The following SLC38A7 variants were observed in gnomAD, a reference collection of about 807,000 sequenced individuals.
SLC38A7 encodes sodium-coupled neutral amino acid transporter 7.
Under a neutral mutation model 50.1 loss-of-function variants are expected in SLC38A7, and 29 were observed. The observed-to-expected ratio is 0.58, with a 90% CI of 0.43 to 0.79. SLC38A7 has a LOEUF of 0.79. Among genes scored for constraint, SLC38A7 ranks in the 30% least tolerant of loss-of-function variants. The probability of loss-of-function intolerance (pLI) is 0.00; values close to 1 mark genes in which losing one functional copy is unlikely to be tolerated. For synonymous variants in SLC38A7, 244 were observed against 245.9 expected, an observed-to-expected ratio of 0.99 and a Z score of 0.07; for missense variants, 483 against 610.6, an observed-to-expected ratio of 0.79 and a Z score of 2.20.
In SLC38A7 at chr16:58,678,566, G is replaced by C; in HGVS notation, c.470-92C>G. 6.4e-7 allele frequency: 1 copy of C among 1,556,364 alleles called. No homozygotes were observed. The highest frequency in any genetic ancestry group is 8.7e-7 in the Non-Finnish European group (1 of 1,145,514). On this transcript the variant is annotated intron_variant, in intron 4 of 11. Transcript: ENST00000219320. The surrounding 1 kb of genome is among the most constrained non-coding windows in gnomAD (Gnocchi z 4.0). ...GGGCCCCAGGACCTCCCTCTGCCTGGAGGGAGGATTCCCAGATGAATGCTG... is the reference window on the plus strand; with the variant it reads ...GGGCCCCAGGACCTCCCTCTGCCTGCAGGGAGGATTCCCAGATGAATGCTG...
intron 8 of SLC38A7, among the ~76,000 whole-genome samples, chr16:58,673,083 A>ATTTT (rs34081609): frequency 2.6e-4 from 16 of 60,390 alleles, no homozygotes; most frequent in African/African-American, 9.3e-4. Context: ...TGCCCGGCTA[A>ATTTT]TTTTTTTTTT....
At chr16:58,676,713 G>A (rs1001545382) in intron 6 of SLC38A7, among the ~76,000 whole-genome samples, 4 of 152,070 alleles carry the variant, frequency 2.6e-5, no homozygotes, top group African/African-American at 9.7e-5. Context: ...GTGCAGTGGC[G>A]CGATCTCGGC....
chr16:58,675,304 C>G (rs1490333941), intron 8 of SLC38A7: 1 of 410,840 alleles, frequency 2.4e-6, no homozygotes, highest in African/African-American at 2.2e-5. Context: ...CCCAGGAATT[C>G]AAGACCAGGC....
chr16:58,680,046 C>T lies in SLC38A7; in HGVS notation c.81G>A (p.Gln27=), dbSNP rs894333658. 2.5e-6 allele frequency: 4 copies of T among 1,596,914 alleles called. No homozygotes were observed. Among genetic ancestry groups the T allele is most frequent in the African/African-American group, 1.3e-5 (1 of 74,534 alleles). Residue 27 remains glutamine (Q), a synonymous_variant, in exon 3 of 12, where the codon CAG becomes CAA. Coordinates refer to ENST00000219320, the MANE Select transcript of SLC38A7 (RefSeq NM_018231.3). ...TDAGERARLL[Q]SPCVDTAPKS... ...TGGGGGCTGTGTCCACACAGGGACT[C>T]TGCAGCAGCCGAGCCCGCTCCCCGG...
chr16:58,669,865 C>G (rs547324581), intron 11 of SLC38A7, among the ~76,000 whole-genome samples: 1 of 148,820 alleles, frequency 6.7e-6, no homozygotes, highest in South Asian at 2.2e-4. Context: ...GTCCTAGCTA[C>G]TCGGGAGGCT....
intron 11 of SLC38A7, among the ~76,000 whole-genome samples, chr16:58,669,647 C>T (rs960301173): frequency 2.7e-5 from 4 of 146,406 alleles, no homozygotes; most frequent in African/African-American, 7.6e-5. Flanking sequence ...ACAACTAGCA[C>T]ACTACCGAAT....
At chr16:58,668,713 C>CAAAA (rs71155292) in intron 11 of SLC38A7, among the ~76,000 whole-genome samples, 8 of 33,738 alleles carry the variant, frequency 2.4e-4, no homozygotes, top group East Asian at 1.7e-3. Context: ...AACTCCATCT[C>CAAAA]AAAAAAAAAA....
Position 58,669,049 on chromosome 16 carries a change from C to T in SLC38A7, c.1286+1064G>A, listed in dbSNP as rs964640136. On this transcript the variant is annotated intron_variant, in intron 11 of 11. Transcript: ENST00000219320. ...CCTCCCAAAGTGCTGGGATTACAGGCGTGAGTCACTGTGCCTGGCCAATTT... is the reference window on the plus strand; with the variant it reads ...CCTCCCAAAGTGCTGGGATTACAGGTGTGAGTCACTGTGCCTGGCCAATTT... Among the ~76,000 whole-genome samples the T allele has an allele frequency of 1.9e-4, 27 of 141,414 alleles. No homozygotes were observed. The South Asian group carries it at 4.0e-3, about 21-fold the overall frequency. The allele number at this position is 141,414 out of a possible 152,430, so 92.8% of individuals were successfully genotyped here. A position where few individuals can be genotyped will look rare whatever the true frequency, so the allele number is the denominator to read the frequency against.
Position 58,675,950 on chromosome 16 carries a change from G to A in SLC38A7, c.873C>T (p.Tyr291=). 1 of 1,610,998 alleles carries A rather than the reference G, an allele frequency of 6.2e-7. No homozygotes were observed. The highest frequency in any genetic ancestry group is 8.5e-7 in the Non-Finnish European group (1 of 1,178,558). Residue 291 remains tyrosine, a synonymous_variant, in exon 8 of 12, where the codon TAC becomes TAT. Coordinates refer to ENST00000219320, the MANE Select transcript of SLC38A7 (RefSeq NM_018231.3). ...TAAMVIALAV[Y]MGTGICGFLT... is the part of the protein sequence containing the mutation. Reference sequence around the variant, plus strand: ...GGGGGGAGCACTCACCTGTCCCCATGTAGACAGCGAGGGCTATGACCATGG... The same window carrying A: ...GGGGGGAGCACTCACCTGTCCCCATATAGACAGCGAGGGCTATGACCATGG...
In SLC38A7 at chr16:58,671,239, A is replaced by C; in HGVS notation, c.1037T>G (p.Val346Gly). The C allele has an allele frequency of 6.2e-7, 1 of 1,613,420 alleles. No individual in the cohort carries two copies. Among genetic ancestry groups the C allele is most frequent in the Non-Finnish European group, 8.5e-7 (1 of 1,179,724 alleles). ...GTAGCGCAGCCACAGGCCTTCCACCACCGCCCTGCCCACATGGAGAAGGGC... is the reference window on the plus strand; with the variant it reads ...GTAGCGCAGCCACAGGCCTTCCACCCCCGCCCTGCCCACATGGAGAAGGGC... ...YPILHFCGRA[V>G]VEGLWLRYQG... Residue 346 changes from valine (V) to glycine (G), a missense_variant, in exon 10 of 12, where the codon GTG (valine) becomes GGG (glycine). Physicochemically the swap from Val to Gly is moderately radical, Grantham distance 109. Transcript: ENST00000219320.
At chr16:58,680,585 C>T (rs928195926) in intron 2 of SLC38A7, among the ~76,000 whole-genome samples, 5 of 152,162 alleles carry the variant, frequency 3.3e-5, no homozygotes, top group Non-Finnish European at 7.4e-5. Flanking sequence ...TCAAAAGGTT[C>T]GGAGAGATCC....
chr16:58,669,092 T>C lies in SLC38A7; in HGVS notation c.1286+1021A>G, dbSNP rs559998959. ...GCCAATTTTTTTTCTTTTTTAGACA[T>C]GTTTGTATGGCTTTTTTTTTTTTTT... On this transcript the variant is annotated intron_variant, in intron 11 of 11. Coordinates refer to ENST00000219320, the MANE Select transcript of SLC38A7 (RefSeq NM_018231.3). 1.0e-4 allele frequency among the ~76,000 whole-genome samples: 14 copies of C among 137,984 alleles called. No individual in the cohort carries two copies. In the South Asian group the frequency reaches 2.3e-3, roughly 23 times the overall value. 90.5% of individuals were successfully genotyped at this position (137,984 alleles called of 152,430 possible).
chr16:58,668,757 G>C (rs1244833953), intron 11 of SLC38A7, among the ~76,000 whole-genome samples: 3 of 149,820 alleles, frequency 2.0e-5, no homozygotes, highest in South Asian at 4.2e-4. Context: ...AGAAATAAAG[G>C]GTGATTTTTT....
In SLC38A7 at chr16:58,671,443, A is replaced by T. The variant is rs889152138; in HGVS notation, c.1032-199T>A. 9.9e-6 allele frequency: 6 copies of T among 603,300 alleles called. No homozygotes were observed. The African/African-American group carries it at 1.1e-4, about 11-fold the overall frequency. The allele number at this position is 603,300 out of a possible 1,614,324, so 37.4% of individuals were successfully genotyped here. On this transcript the variant is annotated intron_variant, in intron 9 of 11. Transcript: ENST00000219320. ...AGACGGTGAATGTCGAGAGCTTAGC[A>T]CTTTGCTTTACATCACATGGAAACT...
chr16:58,682,654 C>T (rs556480065), intron 2 of SLC38A7, among the ~76,000 whole-genome samples: 33 of 149,958 alleles, frequency 2.2e-4, no homozygotes, highest in Admixed American at 2.1e-3. Flanking sequence ...TTTTTTGAGA[C>T]GGAGTCTTGC....
chr16:58,678,727 G>A lies in SLC38A7; in HGVS notation c.438C>T (p.Phe146=). The part of the protein sequence containing the change: ...AVYTFGTCIA[F]LIIIGDQQDK... ...CCTGCTGGTCGCCAATGATGATTAG[G>A]AAGGCAATGCAGGTGCCAAAGGTGT... Residue 146 remains phenylalanine, a synonymous_variant, in exon 4 of 12, where the codon TTC becomes TTT. Transcript: ENST00000219320. The surrounding 1 kb of genome is among the most constrained non-coding windows in gnomAD (Gnocchi z 4.0). 1 of 1,614,154 alleles carries A rather than the reference G, an allele frequency of 6.2e-7. No homozygotes were observed. The highest frequency in any genetic ancestry group is 8.5e-7 in the Non-Finnish European group (1 of 1,180,018).
intron 8 of SLC38A7, among the ~76,000 whole-genome samples, chr16:58,674,073 C>T (rs996033899): frequency 6.6e-6 from 1 of 151,204 alleles, no homozygotes; most frequent in South Asian, 2.1e-4. Flanking sequence ...GATTCACCCA[C>T]CTTGGCCTCT....
intron 11 of SLC38A7, among the ~76,000 whole-genome samples, chr16:58,668,466 C>T (rs990555612): frequency 5.9e-5 from 9 of 151,904 alleles, no homozygotes; most frequent in Non-Finnish European, 1.3e-4. Context: ...TCCCAGATAC[C>T]CTGGAGGTTG....
intron 3 of SLC38A7, 129 bp from the exon 4 acceptor site, chr16:58,679,023 A>G (rs780989902): frequency 5.9e-5 from 51 of 858,924 alleles, no homozygotes; most frequent in Non-Finnish European, 8.2e-5. Context: ...CAATTTTAAG[A>G]GACTGCTAGA....
Sources: allele counts gnomAD v4.1 joint callset (sites outside exome capture counted in the v4.1 genomes callset), GRCh38; gene constraint gnomAD v4.1.1; non-coding constraint Gnocchi (gnomAD v3.1); transcripts MANE v1.5; gene names NCBI Gene and HGNC (gene_info 2026-07-23, HGNC 2026-07-21).